KRT86: variants seen among roughly 807,000 people sequenced by gnomAD.
KRT86 encodes the protein keratin, type II cuticular Hb6.
In KRT86, 30 loss-of-function variants were observed where a neutral mutation model predicts 41.2. That is an observed-to-expected ratio of 0.73 (90% CI 0.54 to 0.99). The LOEUF (loss-of-function observed/expected upper bound fraction) is 0.99, where lower values mean the gene tolerates loss of function less well. KRT86 is among the 50% of genes least tolerant of loss of function. KRT86 has a pLI of 0.00. For synonymous variants in KRT86, 238 were observed against 238.1 expected, an observed-to-expected ratio of 1.00 and a Z score of 0.00; for missense variants, 561 against 571.4, an observed-to-expected ratio of 0.98 and a Z score of 0.19.
intron 2 of KRT86, among the ~76,000 whole-genome samples, chr12:52,300,947 T>C (rs915337577): frequency 4.8e-4 from 73 of 152,062 alleles, no homozygotes; most frequent in African/African-American, 1.7e-3. Flanking sequence ...AGTGGGCTAG[T>C]GTGTGCTCCT....
Position 52,286,267 on chromosome 12 carries a change from G to T in KRT86, c.-5+10321G>T, listed in dbSNP as rs759545377. ...TGAGTTGGGGTGCCTAACATTTCCGGCAGCTGCTGCCGCAAGACCCCACAC... is the reference window on the plus strand; with the variant it reads ...TGAGTTGGGGTGCCTAACATTTCCGTCAGCTGCTGCCGCAAGACCCCACAC... On this transcript the variant is annotated intron_variant, in intron 2 of 10. Coordinates refer to ENST00000423955, the MANE Select transcript of KRT86 (RefSeq NM_001320198.2). The T allele has an allele frequency of 3.9e-6, 6 of 1,553,936 alleles. No individual in the cohort carries two copies. The South Asian group carries it at 7.1e-5, about 18-fold the overall frequency.
rs747018877 is a variant in KRT86, at chr12:52,306,084, G to A, written c.1051G>A (p.Ala351Thr). Residue 351 changes from alanine to threonine, a missense_variant, in exon 9 of 11, where the codon GCT becomes ACT. By Grantham distance (58) the Ala-to-Thr change is moderately conservative. Around this residue, in one of 3 missense-constraint regions of KRT86, gnomAD observed 397 missense variants for 375.9 expected, o/e 1.06. Coordinates refer to ENST00000423955, the MANE Select transcript of KRT86 (RefSeq NM_001320198.2). ...GAATTCCAAGCTGGAGGCTGCGGTG[G>A]CTCAGTCTGAGCAGCAGGGTGAGGC... ...CQNSKLEAAVAQSEQQGEAAL... is the reference protein window; with the variant it reads ...CQNSKLEAAVTQSEQQGEAAL... 6.2e-7 allele frequency: 1 copy of A among 1,614,028 alleles called. No homozygotes were observed. The highest frequency in any genetic ancestry group is 2.2e-5 in the East Asian group (1 of 44,868).
intron 1 of KRT86, 43 bp downstream of exon 1, chr12:52,274,765 G>T: frequency 1.0e-6 from 1 of 984,048 alleles, no homozygotes; most frequent in Non-Finnish European, 1.2e-6. Flanking sequence ...CAGGGATGAG[G>T]TGTCTTGGAC....
chr12:52,276,865 C>T (rs530614995), intron 2 of KRT86, among the ~76,000 whole-genome samples: 2 of 152,294 alleles, frequency 1.3e-5, no homozygotes, highest in East Asian at 3.9e-4. Flanking sequence ...GGCTTCTGTT[C>T]CCGGTCTTTT....
In KRT86 at chr12:52,308,914, G is replaced by C. The variant is rs1195542024; in HGVS notation, c.*329G>C. The C allele has an allele frequency of 1.6e-5, 6 of 368,036 alleles. No homozygotes were observed. The highest frequency in any genetic ancestry group is 3.0e-5 in the Non-Finnish European group (6 of 197,746). The allele number at this position is 368,036 out of a possible 1,614,324, so 22.8% of individuals were successfully genotyped here. Reference sequence around the variant, plus strand: ...GCTCTTCCCCAAAGCTTGGAGGAACGGGGGAGGCCCGGGAATGTCCCTGTC... The same window carrying C: ...GCTCTTCCCCAAAGCTTGGAGGAACCGGGGAGGCCCGGGAATGTCCCTGTC... On this transcript the variant is annotated 3_prime_UTR_variant, in exon 11 of 11. Transcript: ENST00000423955.
chr12:52,302,320 C>T, intron 3 of KRT86, 35 bp downstream of exon 3: 1 of 528,774 alleles, frequency 1.9e-6, no homozygotes. Context: ...CCTGAACCCC[C>T]ACCACCTACA....
At position 52,286,430 on chromosome 12, in the gene KRT86, A is replaced by T. The variant is rs1419981004; in HGVS notation, c.-5+10484A>T. 3 of 1,553,032 alleles carry T rather than the reference A, an allele frequency of 1.9e-6. No individual in the cohort carries two copies. Among genetic ancestry groups the T allele is most frequent in the African/African-American group, 2.7e-5 (2 of 73,288 alleles). On this transcript the variant is annotated intron_variant, in intron 2 of 10. Transcript: ENST00000423955. ...CGGAGCGCTGCAGACACTGCCAGTCACTGGCCGGGAGCCTGACACGCAGAG... is the reference window on the plus strand; with the variant it reads ...CGGAGCGCTGCAGACACTGCCAGTCTCTGGCCGGGAGCCTGACACGCAGAG...
Position 52,306,043 on chromosome 12 carries a change from C to A in KRT86, c.1027-17C>A. Reference sequence around the variant, plus strand: ...CCCAGGGACTCTAATCTACCTTGTTCTCTCTGTTCTCTTCAGAATTCCAAG... The same window carrying A: ...CCCAGGGACTCTAATCTACCTTGTTATCTCTGTTCTCTTCAGAATTCCAAG... On this transcript the variant is annotated splice_polypyrimidine_tract_variant and intron_variant, in intron 8 of 10. Transcript: ENST00000423955. The A allele has an allele frequency of 6.2e-7, 1 of 1,613,606 alleles. No individual in the cohort carries two copies. Among genetic ancestry groups the A allele is most frequent in the Non-Finnish European group, 8.5e-7 (1 of 1,179,970 alleles).
At chr12:52,285,584 G>A (rs983426803) in intron 2 of KRT86, among the ~76,000 whole-genome samples, 3 of 152,184 alleles carry the variant, frequency 2.0e-5, no homozygotes, top group African/African-American at 7.2e-5. Flanking sequence ...GACAGCTGCA[G>A]TTTAGTGAAA....
chr12:52,284,475 C>T (rs1254007762), intron 2 of KRT86, among the ~76,000 whole-genome samples: 1 of 152,188 alleles, frequency 6.6e-6, no homozygotes, highest in Non-Finnish European at 1.5e-5. Context: ...TAGGTGTGAG[C>T]CACTGCACCT....
At chr12:52,276,738 G>T (rs953730817) in intron 2 of KRT86, among the ~76,000 whole-genome samples, 1 of 152,144 alleles carries the variant, frequency 6.6e-6, no homozygotes, top group Non-Finnish European at 1.5e-5. Context: ...TTAGAAAGGA[G>T]CTAGTCCTCC....
rs748394653 is a variant in KRT86 at position 52,302,268 on chromosome 12, G to A, written c.352G>A (p.Ala118Thr). Reference sequence around the variant, plus strand: ...GATCAAGTCCCTCAACAGCAGGTTCGCGGCCTTCATCGACAAGGTGGGTGT... The same window carrying A: ...GATCAAGTCCCTCAACAGCAGGTTCACGGCCTTCATCGACAAGGTGGGTGT... ...EQIKSLNSRF[A>T]AFIDKVRFLE... The change falls in exon 3 of 11, where the codon GCG becomes ACG. Residue 118 changes from alanine to threonine, a missense_variant. This residue lies in a region of KRT86 where 164 missense variants were observed against 172.5 expected (regional missense o/e 0.95). Coordinates refer to ENST00000423955, the MANE Select transcript of KRT86 (RefSeq NM_001320198.2). The A allele has an allele frequency of 1.1e-5, 9 of 810,648 alleles. No individual in the cohort carries two copies. The highest frequency in any genetic ancestry group is 1.6e-5 in the Non-Finnish European group (9 of 559,594). 50.2% of individuals were successfully genotyped at this position (810,648 alleles called of 1,614,324 possible). A position where few individuals can be genotyped will look rare whatever the true frequency, so the allele number is the denominator to read the frequency against.
intron 2 of KRT86, among the ~76,000 whole-genome samples, chr12:52,293,293 T>C (rs1938177539): frequency 6.6e-6 from 1 of 152,188 alleles, no homozygotes; most frequent in Admixed American, 6.5e-5. Context: ...TGTGCCATTA[T>C]CCCCATTTTA....
chr12:52,292,007 A>T (rs1490689220), intron 2 of KRT86, among the ~76,000 whole-genome samples: 1 of 152,200 alleles, frequency 6.6e-6, no homozygotes, highest in Non-Finnish European at 1.5e-5. Context: ...CTGAAACACA[A>T]ATCTGGATTT....
intron 7 of KRT86, 24 bp from the exon 8 acceptor site, chr12:52,305,639 C>T (rs1202266697): frequency 1.2e-6 from 2 of 1,614,066 alleles, no homozygotes; most frequent in East Asian, 2.2e-5. Flanking sequence ...CCCTGAACCT[C>T]ATGAGCATCT....
At chr12:52,277,768 A>C (rs113007490) in intron 2 of KRT86, 2,543 of 152,820 alleles carry the variant, frequency 0.017, 79 homozygotes, top group African/African-American at 0.058. Flanking sequence ...ATGTGGCTGC[A>C]GTGAGGAGTG....
Position 52,308,493 on chromosome 12 carries a change from C to T in KRT86, c.1369C>T (p.Pro457Ser). 6.2e-7 allele frequency: 1 copy of T among 1,609,346 alleles called. No individual in the cohort carries two copies. Among genetic ancestry groups the T allele is most frequent in the Non-Finnish European group, 8.5e-7 (1 of 1,179,906 alleles). The change falls in exon 11 of 11, where the codon CCC (proline) becomes TCC (serine). Residue 457 changes from proline to serine, a missense_variant. This residue lies in a region of KRT86 where 397 missense variants were observed against 375.9 expected (regional missense o/e 1.06). Coordinates refer to ENST00000423955, the MANE Select transcript of KRT86 (RefSeq NM_001320198.2). ...TGTCTCCACCAGAGTCAGTAGCGTC[C>T]CCAGCAACAGCAACGTGGTGGTGGG... is the stretch of plus-strand genomic sequence containing the variant. Reference protein sequence around the residue: ...PVVSTRVSSVPSNSNVVVGTT... With the variant: ...PVVSTRVSSVSSNSNVVVGTT...
At chr12:52,291,446 A>T (rs1053032079) in intron 2 of KRT86, 4 of 1,612,854 alleles carry the variant, frequency 2.5e-6, no homozygotes, top group Non-Finnish European at 3.4e-6. Flanking sequence ...GCGCCCACCA[A>T]ATCCTGATCC....
At chr12:52,286,034 A>G (rs887562214) in intron 2 of KRT86, 11 of 580,856 alleles carry the variant, frequency 1.9e-5, no homozygotes, top group African/African-American at 1.5e-4. Flanking sequence ...GCCCCTTCCT[A>G]TGGGTGCCAG....
Sources: gnomAD v4.1 joint callset for allele counts (sites outside exome capture counted in the v4.1 genomes callset) on GRCh38, gnomAD v4.1.1 for gene constraint, gnomAD v4.1.1 regional missense constraint, MANE v1.5 for transcripts, NCBI Gene and HGNC (gene_info 2026-07-23, HGNC 2026-07-21) for gene names.